Variants in PLEKHA4 observed in about 807,000 individuals in gnomAD.
PLEKHA4 encodes pleckstrin homology domain-containing family A member 4.
In PLEKHA4, 73 loss-of-function variants were observed where a neutral mutation model predicts 94.7. That is an observed-to-expected ratio of 0.77 (90% CI 0.64 to 0.94). The LOEUF is 0.94. Ranked by LOEUF, PLEKHA4 falls within the 40% of genes least tolerant of loss-of-function variation. The probability of loss-of-function intolerance (pLI) is 0.00; values close to 1 mark genes in which losing one functional copy is unlikely to be tolerated. For synonymous variants in PLEKHA4, 449 were observed against 437.1 expected, an observed-to-expected ratio of 1.03 and a Z score of -0.34; for missense variants, 1,049 against 1,054.1, an observed-to-expected ratio of 1.00 and a Z score of 0.07.
intron 13 of PLEKHA4, among the ~76,000 whole-genome samples, chr19:48,848,465 GA>G (rs1313840260): frequency 1.6e-5 from 2 of 122,020 alleles, no homozygotes; most frequent in African/African-American, 3.3e-5. Context: ...CAGCCTGGGC[GA>G]CAGAGCGAGA....
intron 12 of PLEKHA4, among the ~76,000 whole-genome samples, chr19:48,852,708 G>A (rs181311326): frequency 7.2e-5 from 11 of 152,016 alleles, no homozygotes; most frequent in African/African-American, 1.7e-4. Context: ...CAAGGCGGGC[G>A]GATCACTTGA....
chr19:48,859,062 G>A lies in PLEKHA4; in HGVS notation c.770C>T (p.Pro257Leu), dbSNP rs989417742. ...RPRSAPARRP[P>L]APSGDTAPPA... The stretch of plus-strand genomic sequence containing the variant: ...GGGTGCTGTGTCTCCTGAGGGGGCA[G>A]GGGGTCGCCGCGCAGGGGCAGAACG... Residue 257 changes from proline to leucine, a missense_variant, in exon 8 of 20, where the codon CCT becomes CTT. Coordinates refer to ENST00000263265, the MANE Select transcript of PLEKHA4 (RefSeq NM_020904.3). 1 of 1,466,298 alleles carries A rather than the reference G, an allele frequency of 6.8e-7. No homozygotes were observed. The highest frequency in any genetic ancestry group is 9.2e-7 in the Non-Finnish European group (1 of 1,090,244). The allele number at this position is 1,466,298 out of a possible 1,614,324, so 90.8% of individuals were successfully genotyped here.
chr19:48,861,878 C>G (rs1215953471), intron 3 of PLEKHA4, among the ~76,000 whole-genome samples, 186 bp from the exon 4 acceptor site: 2 of 151,600 alleles, frequency 1.3e-5, no homozygotes, highest in Non-Finnish European at 1.5e-5. Context: ...GTAATCCCAG[C>G]ACTTAGAGAG....
intron 4 of PLEKHA4, 43 bp downstream of exon 4, chr19:48,861,577 C>CGG (rs746800181): frequency 6.2e-7 from 1 of 1,608,704 alleles, no homozygotes; most frequent in South Asian, 1.1e-5. Context: ...GCAGACTGGG[C>CGG]GGGGGGGCCC....
chr19:48,846,654 G>C (rs2035982205), intron 14 of PLEKHA4, among the ~76,000 whole-genome samples: 1 of 152,120 alleles, frequency 6.6e-6, no homozygotes, highest in Non-Finnish European at 1.5e-5. Flanking sequence ...TGTAGTCCTA[G>C]CTACTTGGGA....
At chr19:48,848,154 TTTATTTTTTTTCCCATGTG>T in intron 13 of PLEKHA4, 114 bp from the exon 14 acceptor site, 1 of 1,201,306 alleles carries the variant, frequency 8.3e-7, no homozygotes, top group South Asian at 1.4e-5. Flanking sequence ...GGAGTTGGGA[TTTATTTTTTTTCCCATGTG>T]GTTATCCAGT....
intron 2 of PLEKHA4, among the ~76,000 whole-genome samples, chr19:48,866,991 G>GTA (rs2036856942): frequency 6.6e-6 from 1 of 152,264 alleles, no homozygotes; most frequent in East Asian, 1.9e-4. Context: ...GGAAGCGGTG[G>GTA]TACTGACCAA....
intron 14 of PLEKHA4, among the ~76,000 whole-genome samples, chr19:48,846,086 G>C (rs1313990076): frequency 6.6e-6 from 1 of 151,700 alleles, no homozygotes; most frequent in Non-Finnish European, 1.5e-5. Flanking sequence ...CCCTTTGAGA[G>C]GCCAAGGTAG....
intron 5 of PLEKHA4, 110 bp from the exon 6 acceptor site, chr19:48,860,569 G>C (rs2036596862): frequency 3.9e-6 from 3 of 777,536 alleles, no homozygotes; most frequent in Non-Finnish European, 6.5e-6. Flanking sequence ...GGCCGATGCG[G>C]GAGGATGGCT....
At chr19:48,853,591 T>C in intron 12 of PLEKHA4, 91 bp downstream of exon 12, 2 of 1,290,212 alleles carry the variant, frequency 1.6e-6, no homozygotes, top group Non-Finnish European at 2.0e-6. Flanking sequence ...AGAACGATCT[T>C]CCTATGAGCC....
chr19:48,847,920 C>T lies in PLEKHA4; in HGVS notation c.1546G>A (p.Glu516Lys), dbSNP rs200384203. 4.3e-4 allele frequency: 679 copies of T among 1,586,184 alleles called. 5 individuals carry two copies. The South Asian group carries it at 7.1e-3, about 17-fold the overall frequency. The change falls in exon 14 of 20, where the codon GAG (glutamate) becomes AAG (lysine). Residue 516 changes from glutamate (E) to lysine (K), a missense_variant. Glu to Lys is a moderately conservative substitution (Grantham distance 56). Coordinates refer to ENST00000263265, the MANE Select transcript of PLEKHA4 (RefSeq NM_020904.3). ...CTTACCTCCCTCTCTGAGGACTCCTCGCCCTGGAGCACGGGAGATGGGGAG... is the reference window on the plus strand; with the variant it reads ...CTTACCTCCCTCTCTGAGGACTCCTTGCCCTGGAGCACGGGAGATGGGGAG... ...PDSPSPVLQG[E>K]ESSERESLPE...
intron 7 of PLEKHA4, 37 bp from the exon 8 acceptor site, chr19:48,859,176 A>G: frequency 6.8e-7 from 1 of 1,461,382 alleles, no homozygotes; most frequent in Non-Finnish European, 9.2e-7. Flanking sequence ...TGAGTCAACT[A>G]GAGCCCTCTC....
intron 13 of PLEKHA4, among the ~76,000 whole-genome samples, chr19:48,850,677 C>G (rs2036151472): frequency 6.6e-6 from 1 of 151,008 alleles, no homozygotes; most frequent in Non-Finnish European, 1.5e-5. Flanking sequence ...ATTAGCCAGA[C>G]ATGGTGGTGC....
rs1410380159 is a variant in PLEKHA4 at position 48,859,065 on chromosome 19, G to T, written c.767C>A (p.Pro256His). Residue 256 changes from proline (P) to histidine (H), a missense_variant, in exon 8 of 20, where the codon CCC becomes CAC. By Grantham distance (77) the Pro-to-His change is moderately conservative. Transcript: ENST00000263265. ...TGCTGTGTCTCCTGAGGGGGCAGGG[G>T]GTCGCCGCGCAGGGGCAGAACGGGG... ...PRPRSAPARR[P>H]PAPSGDTAPP... The T allele has an allele frequency of 1.4e-6, 2 of 1,469,830 alleles. No homozygotes were observed. Among genetic ancestry groups the T allele is most frequent in the African/African-American group, 1.4e-5 (1 of 69,438 alleles). 91.0% of individuals were successfully genotyped at this position (1,469,830 alleles called of 1,614,324 possible).
Position 48,847,949 on chromosome 19 carries a change from G to A in PLEKHA4, c.1517C>T (p.Pro506Leu). The A allele has an allele frequency of 6.2e-7, 1 of 1,610,374 alleles. No homozygotes were observed. Among genetic ancestry groups the A allele is most frequent in the Non-Finnish European group, 8.5e-7 (1 of 1,178,454 alleles). ...CTGGAGCACGGGAGATGGGGAGTCA[G>A]GCTCAGTGTGTGGGGGCGGTTTCTG... The part of the protein sequence containing the change: ...GPQKPPPHTE[P>L]DSPSPVLQGE... Residue 506 changes from proline to leucine, a missense_variant, in exon 14 of 20, where the codon CCT becomes CTT. Pro to Leu is a moderately conservative substitution (Grantham distance 98, BLOSUM62 -3). Coordinates refer to ENST00000263265, the MANE Select transcript of PLEKHA4 (RefSeq NM_020904.3).
rs749256632 is a variant in PLEKHA4 at position 48,841,237 on chromosome 19, C to T, written c.1817G>A (p.Arg606Gln). The change falls in exon 17 of 20, where the codon CGG (arginine) becomes CAG (glutamine). Residue 606 changes from arginine (R) to glutamine (Q), a missense_variant. Coordinates refer to ENST00000263265, the MANE Select transcript of PLEKHA4 (RefSeq NM_020904.3). ...GGGGGAGGTCGGGCGAGGGAAGGGC[C>T]GTCCACATTCCTGGTTTCTGCGCAT... ...ERMRRNQECG[R>Q]PFPRPTSPRL... The T allele has an allele frequency of 2.6e-5, 42 of 1,613,452 alleles. No individual in the cohort carries two copies. Among genetic ancestry groups the T allele is most frequent in the Middle Eastern group, 1.6e-4 (1 of 6,064 alleles).
At position 48,837,790 on chromosome 19, in the gene PLEKHA4, G is replaced by C. The variant is rs903791910; in HGVS notation, c.2077+227C>G. On this transcript the variant is annotated intron_variant, in intron 19 of 19. Transcript: ENST00000263265. The surrounding 1 kb of genome is among the most constrained non-coding windows in gnomAD (Gnocchi z 4.3). ...CAGTCCTCTTTGAGACTCAGTTGTC[G>C]GCCCTCTCCCCGCCCCCTGACCTCT... 6.7e-6 allele frequency among the ~76,000 whole-genome samples: 1 copy of C among 150,282 alleles called. No homozygotes were observed. Among genetic ancestry groups the C allele is most frequent in the Non-Finnish European group, 1.5e-5 (1 of 67,732 alleles).
At chr19:48,855,603 C>CAAATAAAT (rs35146886) in intron 9 of PLEKHA4, among the ~76,000 whole-genome samples, 9,259 of 142,800 alleles carry the variant, frequency 0.065, 625 homozygotes, top group African/African-American at 0.17. Context: ...GATTTCGTCT[C>CAAATAAAT]AAATAAATAA....
intron 9 of PLEKHA4, 72 bp from the exon 10 acceptor site, chr19:48,854,336 C>A: frequency 7.5e-7 from 1 of 1,337,830 alleles, no homozygotes; most frequent in Non-Finnish European, 1.1e-6. Flanking sequence ...TGCTGAGCCA[C>A]GCCCTGTCTC....
Sources: allele counts gnomAD v4.1 joint callset (sites outside exome capture counted in the v4.1 genomes callset), GRCh38; gene constraint gnomAD v4.1.1; non-coding constraint Gnocchi (gnomAD v3.1); transcripts MANE v1.5; gene names NCBI Gene and HGNC (gene_info 2026-07-23, HGNC 2026-07-21).